The following SLC25A42 variants were observed in gnomAD, a reference collection of about 807,000 sequenced individuals.
SLC25A42 encodes mitochondrial coenzyme A transporter SLC25A42.
SLC25A42 carries 19 observed loss-of-function variants against 34.7 expected under a neutral mutation model. The observed-to-expected ratio is 0.55, with a 90% CI of 0.38 to 0.80. The LOEUF (loss-of-function observed/expected upper bound fraction) is 0.80. SLC25A42 is among the 30% of genes least tolerant of loss of function. The probability of loss-of-function intolerance (pLI) is 0.00; values close to 1 mark genes in which losing one functional copy is unlikely to be tolerated. For synonymous variants in SLC25A42, 205 were observed against 191.2 expected (o/e 1.07, Z -0.59); for missense variants, 364 against 441.3 (o/e 0.82, Z 1.57).
intron 1 of SLC25A42, among the ~76,000 whole-genome samples, chr19:19,095,059 G>A (rs1356221237): frequency 1.3e-5 from 2 of 151,874 alleles, no homozygotes; most frequent in Non-Finnish European, 2.9e-5. Flanking sequence ...AAAATAGCTG[G>A]GTTTGGTAGT....
chr19:19,099,128 GACC>G (rs2059781441), intron 2 of SLC25A42, among the ~76,000 whole-genome samples: 1 of 152,126 alleles, frequency 6.6e-6, no homozygotes, highest in South Asian at 2.1e-4. Context: ...CTGCTGCTGG[GACC>G]ACCAACAAGC....
chr19:19,075,115 T>C (rs1284561811), intron 1 of SLC25A42, among the ~76,000 whole-genome samples: 1 of 152,066 alleles, frequency 6.6e-6, no homozygotes, highest in African/African-American at 2.4e-5. Context: ...ATTTTACCAC[T>C]GCATTCCAGC....
intron 7 of SLC25A42, 32 bp downstream of exon 7, chr19:19,108,077 G>C: frequency 6.6e-7 from 1 of 1,526,426 alleles, no homozygotes; most frequent in Non-Finnish European, 8.8e-7. Flanking sequence ...AGGAGGGGAC[G>C]TTCAGGAAGC....
At chr19:19,104,009 C>T (rs1041661159) in intron 3 of SLC25A42, among the ~76,000 whole-genome samples, 8 of 152,132 alleles carry the variant, frequency 5.3e-5, no homozygotes, top group Non-Finnish European at 2.9e-5. Context: ...TGGATTTAAG[C>T]GATACTCCTG....
At chr19:19,092,996 G>A (rs2145913672) in intron 1 of SLC25A42, among the ~76,000 whole-genome samples, 1 of 152,248 alleles carries the variant, frequency 6.6e-6, no homozygotes, top group East Asian at 1.9e-4. Flanking sequence ...TTAGGACCTG[G>A]TTTCTGTCTG....
chr19:19,075,077 C>T (rs1169920075), intron 1 of SLC25A42, among the ~76,000 whole-genome samples: 1 of 151,890 alleles, frequency 6.6e-6, no homozygotes, highest in Non-Finnish European at 1.5e-5. Context: ...CACCTGAGCC[C>T]AAAAGATGGA....
chr19:19,110,557 C>T lies in SLC25A42; in HGVS notation c.650-12C>T, dbSNP rs1039813404. The T allele has an allele frequency of 2.9e-6, 4 of 1,385,936 alleles. No homozygotes were observed. The highest frequency in any genetic ancestry group is 3.7e-6 in the Non-Finnish European group (4 of 1,077,812). The allele number at this position is 1,385,936 out of a possible 1,614,324, so 85.9% of individuals were successfully genotyped here. On this transcript the variant is annotated splice_polypyrimidine_tract_variant and intron_variant, in intron 7 of 7. Transcript: ENST00000318596. ...CGGCGCCTTCACGGCCCTCCCGCCC[C>T]TCGCCCTGCAGAGTACAGCGGCCGC... is the stretch of plus-strand genomic sequence containing the variant.
chr19:19,080,761 A>C (rs1005792632), intron 1 of SLC25A42, among the ~76,000 whole-genome samples: 6 of 152,034 alleles, frequency 3.9e-5, no homozygotes, highest in Admixed American at 3.9e-4. Context: ...CTCTACGAAA[A>C]ACACAAAAAT....
intron 1 of SLC25A42, among the ~76,000 whole-genome samples, chr19:19,083,198 C>T (rs1337039335): frequency 2.6e-5 from 4 of 152,160 alleles, no homozygotes; most frequent in Admixed American, 2.6e-4. Context: ...GATCTTCCCA[C>T]CTCCCAAAGT....
At chr19:19,070,112 G>A (rs1190151701) in intron 1 of SLC25A42, among the ~76,000 whole-genome samples, 2 of 151,822 alleles carry the variant, frequency 1.3e-5, no homozygotes, top group Non-Finnish European at 2.9e-5. Context: ...TCCTGCCTCA[G>A]CTTCCAGAGT....
chr19:19,067,783 G>A (rs780067931), intron 1 of SLC25A42, among the ~76,000 whole-genome samples: 1 of 151,802 alleles, frequency 6.6e-6, no homozygotes, highest in African/African-American at 2.4e-5. Context: ...AGATTGAGAC[G>A]AGTCAGATGT....
chr19:19,100,450 G>T (rs2059789728), intron 2 of SLC25A42, among the ~76,000 whole-genome samples: 1 of 151,888 alleles, frequency 6.6e-6, no homozygotes, highest in Non-Finnish European at 1.5e-5. Context: ...CTCTTCTCTG[G>T]GCCCCCTCCC....
chr19:19,073,307 G>A (rs991621490), intron 1 of SLC25A42, among the ~76,000 whole-genome samples: 1 of 152,116 alleles, frequency 6.6e-6, no homozygotes, highest in Non-Finnish European at 1.5e-5. Context: ...CCCCAGCCTG[G>A]TTGCAGGGAA....
rs375716185 is a variant in SLC25A42, at chr19:19,078,812, G to T, written c.-35+14697G>T. Among the ~76,000 whole-genome samples, 14 of 152,068 alleles carry T rather than the reference G, an allele frequency of 9.2e-5. No individual in the cohort carries two copies. In the East Asian group the frequency reaches 1.9e-3, roughly 21 times the overall value. On this transcript the variant is annotated intron_variant, in intron 1 of 7. Transcript: ENST00000318596. ...CTGGTGGGAACCTGGGCAGGTTTTT[G>T]TATGTGTGTCAAAATGCACATAACT...
chr19:19,072,224 G>A (rs1034272533), intron 1 of SLC25A42, among the ~76,000 whole-genome samples: 3 of 152,238 alleles, frequency 2.0e-5, no homozygotes, highest in Non-Finnish European at 2.9e-5. Flanking sequence ...TCAATAGGCC[G>A]GGGCCGTGTT....
At chr19:19,091,039 A>G (rs575722165) in intron 1 of SLC25A42, among the ~76,000 whole-genome samples, 1 of 152,308 alleles carries the variant, frequency 6.6e-6, no homozygotes, top group South Asian at 2.1e-4. Flanking sequence ...ACAAAAGACA[A>G]AAGCGTGACT....
chr19:19,080,667 A>C (rs892898593), intron 1 of SLC25A42, among the ~76,000 whole-genome samples: 1 of 152,048 alleles, frequency 6.6e-6, no homozygotes, highest in African/African-American at 2.4e-5. Flanking sequence ...GCATGCCTGT[A>C]ATCCCAGCAC....
At chr19:19,077,467 C>T (rs912386247) in intron 1 of SLC25A42, among the ~76,000 whole-genome samples, 12 of 152,200 alleles carry the variant, frequency 7.9e-5, no homozygotes, top group Non-Finnish European at 1.2e-4. Flanking sequence ...GGTATTTGTC[C>T]TTTTGTGACT....
At chr19:19,096,626 A>G (rs1254756763) in intron 2 of SLC25A42, among the ~76,000 whole-genome samples, 5 of 151,990 alleles carry the variant, frequency 3.3e-5, no homozygotes, top group Non-Finnish European at 5.9e-5. Context: ...TTTCTCCCTC[A>G]GATTTTGGAA....
Sources: allele counts gnomAD v4.1 joint callset (sites outside exome capture counted in the v4.1 genomes callset), GRCh38; gene constraint gnomAD v4.1.1; transcripts MANE v1.5; gene names NCBI Gene and HGNC (gene_info 2026-07-23, HGNC 2026-07-21).